APAF1: variants seen among roughly 807,000 people sequenced by gnomAD.
The protein encoded by APAF1 is apoptotic peptidase activating factor 1.
A neutral mutation model predicts 152.4 loss-of-function variants in APAF1; 91 were observed. That is an observed-to-expected ratio of 0.60 (90% CI 0.50 to 0.71). The LOEUF is 0.71. APAF1 is among the 30% of genes least tolerant of loss of function. The pLI, the probability that APAF1 is intolerant of heterozygous loss-of-function variation, is 0.00. For synonymous variants in APAF1, 484 were observed against 494.1 expected (o/e 0.98, Z 0.27); for missense variants, 1,283 against 1,472.0 (o/e 0.87, Z 2.10).
intron 14 of APAF1, among the ~76,000 whole-genome samples, chr12:98,681,543 G>T (rs965036336): frequency 1.3e-5 from 2 of 152,158 alleles, no homozygotes; most frequent in East Asian, 3.9e-4. Context: ...AGTACTGGAT[G>T]TAGCTAGGTG....
chr12:98,677,055 A>C (rs2097687360), intron 12 of APAF1, among the ~76,000 whole-genome samples: 1 of 152,228 alleles, frequency 6.6e-6, no homozygotes, highest in South Asian at 2.1e-4. Flanking sequence ...GAATTTTTGA[A>C]GGTATCCTTA....
At chr12:98,669,854 CCTCCT>C (rs1194742241) in intron 10 of APAF1, among the ~76,000 whole-genome samples, 1 of 151,672 alleles carries the variant, frequency 6.6e-6, no homozygotes, top group East Asian at 1.9e-4. Flanking sequence ...TAGCTAATCA[CCTCCT>C]CTCCTCTCCT....
intron 26 of APAF1, among the ~76,000 whole-genome samples, chr12:98,731,959 C>G (rs1325584022): frequency 6.6e-6 from 1 of 152,142 alleles, no homozygotes; most frequent in Non-Finnish European, 1.5e-5. Flanking sequence ...AGGGAAGATT[C>G]AGTAGAGAGA....
At chr12:98,652,776 A>G (rs2097650533) in intron 4 of APAF1, among the ~76,000 whole-genome samples, 1 of 151,866 alleles carries the variant, frequency 6.6e-6, no homozygotes, top group Non-Finnish European at 1.5e-5. Context: ...ACAGGCACCC[A>G]CCACCACGCC....
chr12:98,686,124 C>T (rs2097697797), intron 15 of APAF1, among the ~76,000 whole-genome samples: 1 of 152,178 alleles, frequency 6.6e-6, no homozygotes, highest in Admixed American at 6.5e-5. Context: ...ATTCTCAAAA[C>T]ATGCATTTCT....
intron 4 of APAF1, among the ~76,000 whole-genome samples, chr12:98,655,788 T>C (rs1004062012): frequency 6.4e-5 from 9 of 140,596 alleles, no homozygotes; most frequent in African/African-American, 2.3e-4. Flanking sequence ...AAAATTTTTC[T>C]TTTTTTTTTT....
At chr12:98,702,801 A>AT (rs1024697797) in intron 17 of APAF1, among the ~76,000 whole-genome samples, 9 of 150,232 alleles carry the variant, frequency 6.0e-5, no homozygotes, top group Admixed American at 2.7e-4. Flanking sequence ...AGATTACGCT[A>AT]TTGCACTCCA....
intron 18 of APAF1, among the ~76,000 whole-genome samples, chr12:98,706,072 C>G (rs1312413173): frequency 2.0e-5 from 3 of 152,150 alleles, no homozygotes; most frequent in Admixed American, 1.3e-4. Context: ...CTGTATCCTT[C>G]TATATGTTCT....
At chr12:98,728,638 T>G (rs1407617731) in intron 26 of APAF1, among the ~76,000 whole-genome samples, 1 of 152,070 alleles carries the variant, frequency 6.6e-6, no homozygotes, top group Non-Finnish European at 1.5e-5. Flanking sequence ...TGAGACTCAC[T>G]TGAACCCCGG....
chr12:98,703,584 C>A, intron 18 of APAF1, 85 bp downstream of exon 18: 2 of 1,533,544 alleles, frequency 1.3e-6, no homozygotes, highest in Non-Finnish European at 1.8e-6. Flanking sequence ...CCATTAACTG[C>A]TGAGGAGCCT....
At chr12:98,694,572 T>C (rs1004838865) in intron 16 of APAF1, among the ~76,000 whole-genome samples, 2 of 152,170 alleles carry the variant, frequency 1.3e-5, no homozygotes, top group Non-Finnish European at 2.9e-5. Context: ...TTTTAAGTAT[T>C]CATTCTTGTG....
At chr12:98,722,697 T>C (rs988651634) in intron 22 of APAF1, among the ~76,000 whole-genome samples, 1 of 152,056 alleles carries the variant, frequency 6.6e-6, no homozygotes, top group African/African-American at 2.4e-5. Flanking sequence ...AGGATTGCGA[T>C]GGGGGATAGC....
At chr12:98,717,337 A>G (rs2097735967) in intron 22 of APAF1, among the ~76,000 whole-genome samples, 1 of 151,082 alleles carries the variant, frequency 6.6e-6, no homozygotes, top group Non-Finnish European at 1.5e-5. Context: ...TATATAATAT[A>G]TATATAGAAA....
At chr12:98,662,314 A>G (rs562465554) in intron 5 of APAF1, 142 bp from the exon 6 acceptor site, 11 of 654,904 alleles carry the variant, frequency 1.7e-5, no homozygotes, top group East Asian at 1.1e-4. Context: ...AAGAGGAAGA[A>G]TCATTTTCCT....
At position 98,683,183 on chromosome 12, in the gene APAF1, A is replaced by G; in HGVS notation, c.2087A>G (p.Asp696Gly). Residue 696 changes from aspartate (D) to glycine (G), a missense_variant, in exon 15 of 27, where the codon GAT becomes GGT. Physicochemically the swap from Asp to Gly is moderately conservative, Grantham distance 94. Coordinates refer to ENST00000551964, the MANE Select transcript of APAF1 (RefSeq NM_181861.2). ...SMTGELVHTY[D>G]EHSEQVNCCH... Reference sequence around the variant, plus strand: ...ACTGGGGAACTAGTACACACCTATGATGAGCACTCAGAGCAAGTCAATTGC... The same window carrying G: ...ACTGGGGAACTAGTACACACCTATGGTGAGCACTCAGAGCAAGTCAATTGC... The G allele has an allele frequency of 6.2e-7, 1 of 1,613,278 alleles. No individual in the cohort carries two copies. Among genetic ancestry groups the G allele is most frequent in the Non-Finnish European group, 8.5e-7 (1 of 1,179,306 alleles).
chr12:98,724,506 C>A (rs1425167779), intron 24 of APAF1, among the ~76,000 whole-genome samples: 2 of 152,130 alleles, frequency 1.3e-5, no homozygotes, highest in Non-Finnish European at 2.9e-5. Context: ...GCCTACTTTC[C>A]AACTTCATCT....
chr12:98,700,416 C>T (rs1415195168), intron 17 of APAF1, among the ~76,000 whole-genome samples: 1 of 152,078 alleles, frequency 6.6e-6, no homozygotes, highest in Non-Finnish European at 1.5e-5. Flanking sequence ...TATAAGAACT[C>T]ACTGAGGGAT....
intron 7 of APAF1, among the ~76,000 whole-genome samples, chr12:98,663,294 TTTTAA>T (rs1268260937): frequency 1.3e-5 from 2 of 152,228 alleles, no homozygotes; most frequent in African/African-American, 2.4e-5. Flanking sequence ...ATATAAGTAT[TTTTAA>T]TTTATTTCTA....
At chr12:98,695,360 C>G (rs1449638065) in intron 16 of APAF1, among the ~76,000 whole-genome samples, 4 of 144,914 alleles carry the variant, frequency 2.8e-5, no homozygotes, top group Middle Eastern at 3.3e-3. Context: ...GCCGCCCCCC[C>G]CCTTTTTTTT....
Sources: allele counts gnomAD v4.1 joint callset (sites outside exome capture counted in the v4.1 genomes callset), GRCh38; gene constraint gnomAD v4.1.1; transcripts MANE v1.5; gene names NCBI Gene and HGNC (gene_info 2026-07-23, HGNC 2026-07-21).